EFTUD2: variants seen among roughly 807,000 people sequenced by gnomAD.
EFTUD2 encodes elongation factor Tu GTP binding domain containing 2, also known as 116 kDa U5 small nuclear ribonucleoprotein component.
Under a neutral mutation model 114.3 loss-of-function variants are expected in EFTUD2, and 9 were observed. The observed-to-expected ratio is 0.08, with a 90% confidence interval of 0.05 to 0.14. EFTUD2 has a LOEUF of 0.14. Ranked by LOEUF, EFTUD2 falls within the 10% of genes least tolerant of loss-of-function variation. EFTUD2 has a pLI of 1.00. For missense variants in EFTUD2, 765 were observed against 1,241.2 expected (o/e 0.62, Z 5.76); for synonymous variants, 449 against 462.3 (o/e 0.97, Z 0.37).
intron 20 of EFTUD2, 55 bp downstream of exon 20, chr17:44,857,020 G>GGA: frequency 1.4e-6 from 2 of 1,453,350 alleles, no homozygotes; most frequent in Non-Finnish European, 1.9e-6. Flanking sequence ...GGAAGATAAA[G>GGA]GAGAGAGAGT....
At chr17:44,862,617 G>C (rs1350166948) in intron 16 of EFTUD2, 96 bp downstream of exon 16, 1 of 1,228,996 alleles carries the variant, frequency 8.1e-7, no homozygotes, top group Non-Finnish European at 1.1e-6. Context: ...ACAGAGCCTT[G>C]CAACTACTTC....
chr17:44,879,686 A>G (rs2145533101), intron 8 of EFTUD2, 48 bp from the exon 9 acceptor site: 1 of 1,586,372 alleles, frequency 6.3e-7, no homozygotes, highest in East Asian at 2.2e-5. Context: ...AGGATAAAGC[A>G]CAATTAACTG....
Position 44,886,806 on chromosome 17 carries a change from A to G in EFTUD2, c.106-56T>C, listed in dbSNP as rs1022447438. The G allele has an allele frequency of 2.6e-5, 41 of 1,559,246 alleles. No individual in the cohort carries two copies. In the Middle Eastern group the frequency reaches 6.3e-4, roughly 24 times the overall value. The stretch of plus-strand genomic sequence containing the variant: ...GAGGCACACGCTTTTCCTGTTTGAT[A>G]TCTGACTACCTCCGTGAGTGACAGC... On this transcript the variant is annotated intron_variant, in intron 2 of 27. Transcript: ENST00000426333.
rs758791783 is a variant in EFTUD2 at position 44,851,777 on chromosome 17, C to T, written c.2756G>A (p.Arg919His). The change falls in exon 27 of 28, where the codon CGC (arginine) becomes CAC (histidine). Residue 919 changes from arginine (R) to histidine (H), a missense_variant. Transcript: ENST00000426333. Reference sequence around the variant, plus strand: ...AGGAGCTGGCTGTGGCTCCAAGGGGCGGATGACAATGCTCTTGTCCAGGGG... The same window carrying T: ...AGGAGCTGGCTGTGGCTCCAAGGGGTGGATGACAATGCTCTTGTCCAGGGG... ...GDPLDKSIVIRPLEPQPAPHL... is the reference protein window; with the variant it reads ...GDPLDKSIVIHPLEPQPAPHL... The T allele has an allele frequency of 2.5e-6, 4 of 1,607,962 alleles. No individual in the cohort carries two copies. Among genetic ancestry groups the T allele is most frequent in the Non-Finnish European group, 3.4e-6 (4 of 1,178,194 alleles).
intron 14 of EFTUD2, among the ~76,000 whole-genome samples, chr17:44,864,689 T>C (rs1189489772): frequency 6.6e-6 from 1 of 152,204 alleles, no homozygotes; most frequent in Non-Finnish European, 1.5e-5. Flanking sequence ...CCATCTCATT[T>C]ACTTGAACAC....
chr17:44,894,117 T>C, intron 2 of EFTUD2: 1 of 275,616 alleles, frequency 3.6e-6, no homozygotes, highest in Non-Finnish European at 6.9e-6. Flanking sequence ...GGCTCATGCC[T>C]GTAATCCTAG....
chr17:44,862,655 T>TG, intron 16 of EFTUD2, 58 bp downstream of exon 16: 1 of 1,516,600 alleles, frequency 6.6e-7, no homozygotes, highest in East Asian at 2.4e-5. Context: ...TCCAGCTCCT[T>TG]GGGGGCAGCC....
At chr17:44,894,335 A>G in intron 2 of EFTUD2, 82 bp downstream of exon 2, 1 of 1,202,414 alleles carries the variant, frequency 8.3e-7, no homozygotes, top group Non-Finnish European at 1.2e-6. Context: ...GCGCCACTGC[A>G]CTCCAACCTG....
chr17:44,888,054 A>G (rs1231925193), intron 2 of EFTUD2, among the ~76,000 whole-genome samples: 1 of 149,378 alleles, frequency 6.7e-6, no homozygotes, highest in Non-Finnish European at 1.5e-5. Context: ...CAGACAGAGA[A>G]TAAGCTCTAC....
At chr17:44,881,843 A>C in intron 6 of EFTUD2, 121 bp from the exon 7 acceptor site, 1 of 902,838 alleles carries the variant, frequency 1.1e-6, no homozygotes, top group Non-Finnish European at 1.8e-6. Flanking sequence ...AAAGAGAGAG[A>C]GAGAGCAGGG....
chr17:44,856,371 A>T (rs899544755), intron 20 of EFTUD2, among the ~76,000 whole-genome samples: 4 of 151,814 alleles, frequency 2.6e-5, no homozygotes, highest in Non-Finnish European at 4.4e-5. Context: ...TCTACTAAAA[A>T]TACAAAAAAT....
chr17:44,860,268 G>C, intron 17 of EFTUD2, 164 bp downstream of exon 17: 2 of 738,558 alleles, frequency 2.7e-6, no homozygotes, highest in South Asian at 1.8e-5. Context: ...CTAATTCCTC[G>C]CATCTGAACT....
chr17:44,884,518 C>T (rs1233676583), intron 4 of EFTUD2, among the ~76,000 whole-genome samples: 1 of 118,408 alleles, frequency 8.4e-6, no homozygotes, highest in African/African-American at 3.2e-5. Flanking sequence ...GACCCCGCAT[C>T]GAAAAAAAAA....
At chr17:44,879,306 G>C (rs774509043) in intron 9 of EFTUD2, among the ~76,000 whole-genome samples, 1 of 152,072 alleles carries the variant, frequency 6.6e-6, no homozygotes, top group Non-Finnish European at 1.5e-5. Context: ...GGCTGGTCTC[G>C]AACTCCTGAC....
intron 20 of EFTUD2, among the ~76,000 whole-genome samples, chr17:44,856,485 G>A (rs551093388): frequency 4.2e-4 from 64 of 150,664 alleles, no homozygotes; most frequent in Admixed American, 1.3e-3. Flanking sequence ...AGGCGAGATC[G>A]TGCCACTGTA....
chr17:44,896,420 G>C (rs1274004628), intron 1 of EFTUD2, among the ~76,000 whole-genome samples: 4 of 152,172 alleles, frequency 2.6e-5, no homozygotes, highest in Admixed American at 2.6e-4. Context: ...GGCCAAGATG[G>C]GCGGATCATG....
At position 44,862,862 on chromosome 17, in the gene EFTUD2, A is replaced by G; in HGVS notation, c.1458T>C (p.Asp486=). 1 of 1,614,194 alleles carries G rather than the reference A, an allele frequency of 6.2e-7. No individual in the cohort carries two copies. Among genetic ancestry groups the G allele is most frequent in the Non-Finnish European group, 8.5e-7 (1 of 1,180,030 alleles). ...CHTTKMYSTD[D]GVQFHAFGRV... is the part of the protein sequence containing the mutation. ...GGCCAAAGGCGTGAAACTGGACTCC[A>G]TCATCTGTGCTGTACATCTTAGTAG... Residue 486 remains aspartate (D), a synonymous_variant, in exon 16 of 28, where the codon GAT becomes GAC. Coordinates refer to ENST00000426333, the MANE Select transcript of EFTUD2 (RefSeq NM_004247.4).
At position 44,880,550 on chromosome 17, in the gene EFTUD2, C is replaced by T. The variant is rs752045290; in HGVS notation, c.619+4G>A. ...TAATAATCAAAAGCCAAAGGATGTCCTACCTGGAGTGTCCATGATATTGAA... is the reference window on the plus strand; with the variant it reads ...TAATAATCAAAAGCCAAAGGATGTCTTACCTGGAGTGTCCATGATATTGAA... On this transcript the variant is annotated splice_donor_region_variant and intron_variant, in intron 8 of 27. Transcript: ENST00000426333. 6 of 1,611,710 alleles carry T rather than the reference C, an allele frequency of 3.7e-6. 1 individual carries two copies. The South Asian group carries it at 6.6e-5, about 18-fold the overall frequency.
intron 16 of EFTUD2, among the ~76,000 whole-genome samples, chr17:44,861,236 G>A (rs1346656142): frequency 1.3e-5 from 2 of 151,940 alleles, no homozygotes; most frequent in African/African-American, 4.8e-5. Context: ...CCTGAGGTCA[G>A]GAGTTTGAGA....
Sources: allele counts gnomAD v4.1 joint callset (sites outside exome capture counted in the v4.1 genomes callset), GRCh38; gene constraint gnomAD v4.1.1; transcripts MANE v1.5; gene names NCBI Gene and HGNC (gene_info 2026-07-23, HGNC 2026-07-21).